MYT1L: variants seen among roughly 807,000 people sequenced by gnomAD.
MYT1L encodes the protein myelin transcription factor 1 like, also known as myelin transcription factor 1-like protein.
Under a neutral mutation model 126.7 loss-of-function variants are expected in MYT1L, and 12 were observed. The observed-to-expected ratio is 0.09, with a 90% CI of 0.06 to 0.15. The LOEUF (loss-of-function observed/expected upper bound fraction) is 0.15, where lower values mean the gene tolerates loss of function less well. Ranked by LOEUF, MYT1L falls within the 10% of genes least tolerant of loss-of-function variation. The probability of loss-of-function intolerance (pLI) is 1.00; values close to 1 mark genes in which losing one functional copy is unlikely to be tolerated. For synonymous variants in MYT1L, 541 were observed against 604.2 expected (o/e 0.90, Z 1.53); for missense variants, 979 against 1,585.2 (o/e 0.62, Z 6.49).
intron 1 of MYT1L, among the ~76,000 whole-genome samples, chr2:2,309,917 T>A (rs2095932252): frequency 1.3e-5 from 2 of 151,628 alleles, no homozygotes; most frequent in African/African-American, 4.9e-5. Context: ...CACTTCAGTA[T>A]ACTGTATCTA....
Position 2,331,206 on chromosome 2 carries a change from A to ACTTC in MYT1L, c.-761_-760insGAAG, listed in dbSNP as rs2096282158. 6.6e-6 allele frequency: 1 copy of ACTTC among 152,130 alleles called. No homozygotes were observed. Among genetic ancestry groups the ACTTC allele is most frequent in the Non-Finnish European group, 1.5e-5 (1 of 68,016 alleles). The allele number at this position is 152,130 out of a possible 1,614,324, so 9.4% of individuals were successfully genotyped here. A position where few individuals can be genotyped will look rare whatever the true frequency, so the allele number is the denominator to read the frequency against. On this transcript the variant is annotated 5_prime_UTR_variant, in exon 1 of 25. Coordinates refer to ENST00000647738, the MANE Select transcript of MYT1L (RefSeq NM_001303052.2). Reference sequence around the variant, plus strand: ...AAAATGCACCCACCAACAATGAGCAAAAAACCCGGGGTGCTTCAACAAGAC... The same window carrying ACTTC: ...AAAATGCACCCACCAACAATGAGCAACTTCAAAACCCGGGGTGCTTCAACAAGAC...
intron 3 of MYT1L, among the ~76,000 whole-genome samples, chr2:2,128,585 A>C (rs900614078): frequency 6.6e-6 from 1 of 152,256 alleles, no homozygotes; most frequent in African/African-American, 2.4e-5. Flanking sequence ...GGATTATTCT[A>C]TGTAAAAACA....
At chr2:2,086,678 T>G (rs1171733865) in intron 3 of MYT1L, among the ~76,000 whole-genome samples, 1 of 152,148 alleles carries the variant, frequency 6.6e-6, no homozygotes. Flanking sequence ...GGAGCCCCGG[T>G]GACCGAACCC....
intron 22 of MYT1L, among the ~76,000 whole-genome samples, chr2:1,807,226 T>C (rs1276643176): frequency 6.6e-6 from 1 of 152,190 alleles, no homozygotes; most frequent in Non-Finnish European, 1.5e-5. Flanking sequence ...GGCCACATGT[T>C]GAGGAATAGT....
At chr2:2,265,259 C>T (rs930116041) in intron 2 of MYT1L, among the ~76,000 whole-genome samples, 1 of 151,862 alleles carries the variant, frequency 6.6e-6, no homozygotes, top group Non-Finnish European at 1.5e-5. Context: ...CCACCCGCCT[C>T]GGTCTCCCAA....
chr2:1,962,299 T>C (rs2059015843), intron 8 of MYT1L, among the ~76,000 whole-genome samples: 1 of 152,236 alleles, frequency 6.6e-6, no homozygotes. Context: ...ACATAAATAT[T>C]TGACAAAAAG....
chr2:2,087,976 T>C (rs1230281991), intron 3 of MYT1L, among the ~76,000 whole-genome samples: 2 of 152,258 alleles, frequency 1.3e-5, no homozygotes, highest in East Asian at 3.8e-4. Flanking sequence ...TCAGACTCTC[T>C]GAGCATGTTT....
At chr2:2,190,684 T>C (rs970123504) in intron 2 of MYT1L, among the ~76,000 whole-genome samples, 3 of 152,138 alleles carry the variant, frequency 2.0e-5, no homozygotes, top group East Asian at 1.9e-4. Flanking sequence ...AATAAGTGAA[T>C]GGATGAATGA....
At chr2:1,966,991 C>T (rs1462342385) in intron 8 of MYT1L, among the ~76,000 whole-genome samples, 1 of 152,146 alleles carries the variant, frequency 6.6e-6, no homozygotes, top group African/African-American at 2.4e-5. Context: ...CAACGACCAC[C>T]AGTAACTTTT....
chr2:2,288,110 A>T (rs934519371), intron 1 of MYT1L, among the ~76,000 whole-genome samples: 1 of 152,184 alleles, frequency 6.6e-6, no homozygotes, highest in Non-Finnish European at 1.5e-5. Context: ...ATATATTTAT[A>T]ATGACCTAAA....
chr2:1,909,558 A>G (rs560169195), intron 13 of MYT1L, among the ~76,000 whole-genome samples: 19 of 152,358 alleles, frequency 1.2e-4, no homozygotes, highest in African/African-American at 4.6e-4. Flanking sequence ...AAAGCTGTAT[A>G]GAAGGGCTGA....
At position 1,822,597 on chromosome 2, in the gene MYT1L, T is replaced by C. The variant is rs2038707027; in HGVS notation, c.3081-13430A>G. ...GGAGGCAGAAGTGTGGCCTACAGCC[T>C]GTGTCCTTCGAGAGGGTCCCCTTCC... On this transcript the variant is annotated intron_variant, in intron 21 of 24. Transcript: ENST00000647738. 2.6e-5 allele frequency among the ~76,000 whole-genome samples: 4 copies of C among 152,352 alleles called. No individual in the cohort carries two copies. In the South Asian group the frequency reaches 8.3e-4, roughly 32 times the overall value.
At chr2:2,157,160 C>T (rs1297400287) in intron 3 of MYT1L, among the ~76,000 whole-genome samples, 5 of 152,142 alleles carry the variant, frequency 3.3e-5, no homozygotes, top group African/African-American at 1.2e-4. Flanking sequence ...GATCAGTGAA[C>T]CTACTGTCTA....
intron 18 of MYT1L, among the ~76,000 whole-genome samples, chr2:1,877,419 T>G (rs1178168260): frequency 2.6e-5 from 4 of 152,206 alleles, no homozygotes; most frequent in Non-Finnish European, 5.9e-5. Context: ...AGTCTTTTCT[T>G]TCTCAATTTT....
At chr2:2,160,088 T>G (rs1480462811) in intron 3 of MYT1L, among the ~76,000 whole-genome samples, 1 of 152,100 alleles carries the variant, frequency 6.6e-6, no homozygotes, top group Non-Finnish European at 1.5e-5. Flanking sequence ...TCATGGGGTG[T>G]GGAGAAGTTT....
chr2:2,038,517 C>T (rs143204138), intron 4 of MYT1L, among the ~76,000 whole-genome samples: 153 of 152,292 alleles, frequency 1.0e-3, no homozygotes, highest in African/African-American at 3.4e-3. Context: ...TGGCCCAGTT[C>T]GGCTCATCTT....
chr2:1,818,133 A>G (rs1040934639), intron 21 of MYT1L, among the ~76,000 whole-genome samples: 2 of 152,250 alleles, frequency 1.3e-5, no homozygotes, highest in Non-Finnish European at 2.9e-5. Context: ...CCTGGAGAAC[A>G]TTACAGTTGG....
intron 1 of MYT1L, among the ~76,000 whole-genome samples, chr2:2,285,907 C>T (rs2095512868): frequency 6.6e-6 from 1 of 152,182 alleles, no homozygotes; most frequent in African/African-American, 2.4e-5. Flanking sequence ...GTGCTTTCTG[C>T]TGCTGCAGGC....
intron 3 of MYT1L, among the ~76,000 whole-genome samples, chr2:2,069,127 G>A (rs780770710): frequency 2.0e-5 from 3 of 151,814 alleles, no homozygotes; most frequent in East Asian, 3.9e-4. Flanking sequence ...GAATGTACAC[G>A]TTTGTTACAC....
Sources: allele counts gnomAD v4.1 joint callset (sites outside exome capture counted in the v4.1 genomes callset), GRCh38; gene constraint gnomAD v4.1.1; transcripts MANE v1.5; gene names NCBI Gene and HGNC (gene_info 2026-07-23, HGNC 2026-07-21).